GNAQ: variants seen among roughly 807,000 people sequenced by gnomAD.
GNAQ encodes guanine nucleotide-binding protein G(q) subunit alpha.
Under a neutral mutation model 43.9 loss-of-function variants are expected in GNAQ, and 8 were observed. The ratio of observed to expected loss-of-function variants is 0.18; its 90% CI spans 0.11 to 0.33. GNAQ has a LOEUF of 0.33. GNAQ is among the 10% of genes least tolerant of loss of function. The pLI is 1.00. For missense variants in GNAQ, 158 were observed against 450.8 expected, an observed-to-expected ratio of 0.35 and a Z score of 5.88; for synonymous variants, 155 against 170.7, an observed-to-expected ratio of 0.91 and a Z score of 0.71.
At chr9:78,003,645 T>G (rs1374505510) in intron 1 of GNAQ, among the ~76,000 whole-genome samples, 1 of 151,992 alleles carries the variant, frequency 6.6e-6, no homozygotes, top group Non-Finnish European at 1.5e-5. Context: ...CGAAACCCCT[T>G]GTTTACTAAA....
chr9:78,030,459 C>T, intron 1 of GNAQ: 1 of 465,764 alleles, frequency 2.1e-6, no homozygotes, highest in Non-Finnish European at 4.5e-6. Context: ...GCCCTCCCGC[C>T]TCGCCCCCAG....
chr9:77,755,167 A>G (rs1218074680), intron 5 of GNAQ, among the ~76,000 whole-genome samples: 2 of 152,250 alleles, frequency 1.3e-5, no homozygotes, highest in Non-Finnish European at 2.9e-5. Flanking sequence ...TTCATTTGTA[A>G]GAGCTAAAAA....
chr9:78,018,932 T>A (rs569900791), intron 1 of GNAQ, among the ~76,000 whole-genome samples: 11 of 152,152 alleles, frequency 7.2e-5, no homozygotes, highest in Non-Finnish European at 1.6e-4. Context: ...AATTCATAGG[T>A]AGACTCCAGG....
chr9:77,774,369 C>T (rs956428011), intron 5 of GNAQ, among the ~76,000 whole-genome samples: 5 of 152,154 alleles, frequency 3.3e-5, no homozygotes, highest in Non-Finnish European at 7.3e-5. Context: ...GACATTTGTA[C>T]TTAATTTCTC....
intron 2 of GNAQ, among the ~76,000 whole-genome samples, chr9:77,827,130 T>C (rs1446951690): frequency 2.6e-5 from 4 of 152,178 alleles, no homozygotes; most frequent in Non-Finnish European, 5.9e-5. Context: ...AAAGGTTTTT[T>C]TTTCTCTCTA....
intron 2 of GNAQ, among the ~76,000 whole-genome samples, chr9:77,878,350 T>C (rs548350557): frequency 3.0e-4 from 46 of 151,918 alleles, no homozygotes; most frequent in Admixed American, 1.4e-3. Flanking sequence ...AAAGAAAGGA[T>C]TGAATTCAAA....
chr9:77,954,784 G>A (rs1823022063), intron 1 of GNAQ, among the ~76,000 whole-genome samples: 1 of 152,130 alleles, frequency 6.6e-6, no homozygotes, highest in African/African-American at 2.4e-5. Context: ...TGGCAAAAGG[G>A]TCTCCTGAAT....
intron 2 of GNAQ, among the ~76,000 whole-genome samples, chr9:77,892,739 C>T (rs1433390650): frequency 6.6e-6 from 1 of 152,124 alleles, no homozygotes; most frequent in Non-Finnish European, 1.5e-5. Flanking sequence ...AAAAAAGCTT[C>T]ATTTATAGGG....
intron 2 of GNAQ, among the ~76,000 whole-genome samples, chr9:77,834,836 T>A (rs1448619020): frequency 6.6e-6 from 1 of 152,164 alleles, no homozygotes; most frequent in Non-Finnish European, 1.5e-5. Flanking sequence ...TTTAAAAAAA[T>A]TTATGGAAAG....
chr9:77,993,902 T>C (rs538038646), intron 1 of GNAQ, among the ~76,000 whole-genome samples: 7 of 152,178 alleles, frequency 4.6e-5, no homozygotes, highest in South Asian at 4.1e-4. Flanking sequence ...TTTTAACTAG[T>C]CAGGTATAAA....
At chr9:77,852,978 T>A (rs1309640844) in intron 2 of GNAQ, among the ~76,000 whole-genome samples, 1 of 152,172 alleles carries the variant, frequency 6.6e-6, no homozygotes, top group African/African-American at 2.4e-5. Flanking sequence ...TCTCTCAGCA[T>A]AAACCTTCAA....
At chr9:77,980,399 G>T (rs1313690766) in intron 1 of GNAQ, among the ~76,000 whole-genome samples, 1 of 152,090 alleles carries the variant, frequency 6.6e-6, no homozygotes, top group Non-Finnish European at 1.5e-5. Flanking sequence ...GGAGGAGAAT[G>T]AGTATTATTA....
intron 2 of GNAQ, among the ~76,000 whole-genome samples, chr9:77,909,777 A>G (rs1012444949): frequency 6.6e-6 from 1 of 152,200 alleles, no homozygotes; most frequent in Non-Finnish European, 1.5e-5. Context: ...TAAGAAACAT[A>G]AAATCAGGAA....
intron 5 of GNAQ, among the ~76,000 whole-genome samples, chr9:77,740,813 A>G (rs1440714667): frequency 6.6e-6 from 1 of 152,240 alleles, no homozygotes; most frequent in Admixed American, 6.5e-5. Flanking sequence ...GTACAAATAT[A>G]CACTAGACAA....
At chr9:78,021,106 G>A (rs1227469434) in intron 1 of GNAQ, among the ~76,000 whole-genome samples, 1 of 145,044 alleles carries the variant, frequency 6.9e-6, no homozygotes, top group Non-Finnish European at 1.5e-5. Flanking sequence ...CTGGAGTGCA[G>A]TGGCACGATC....
intron 2 of GNAQ, among the ~76,000 whole-genome samples, chr9:77,909,963 A>G (rs1828773074): frequency 6.6e-6 from 1 of 152,204 alleles, no homozygotes; most frequent in South Asian, 2.1e-4. Flanking sequence ...ATGTTTGGAT[A>G]TACATGCTTG....
intron 2 of GNAQ, among the ~76,000 whole-genome samples, chr9:77,903,579 C>G (rs536118997): frequency 3.3e-5 from 5 of 152,248 alleles, no homozygotes; most frequent in African/African-American, 9.6e-5. Flanking sequence ...GTGACTCCTT[C>G]CAGGCAGGCT....
At position 77,855,991 on chromosome 9, in the gene GNAQ, T is replaced by C. The variant is rs938024789; in HGVS notation, c.322-40221A>G. 3.3e-5 allele frequency among the ~76,000 whole-genome samples: 5 copies of C among 152,228 alleles called. No homozygotes were observed. In the South Asian group the frequency reaches 8.3e-4, roughly 25 times the overall value. ...AGAATAAGGAACATAACACAGACTA[T>C]AGCTAAACTGCTGACATTAGGCTCA... On this transcript the variant is annotated intron_variant, in intron 2 of 6. Transcript: ENST00000286548.
At chr9:77,806,013 C>A (rs996398026) in intron 3 of GNAQ, among the ~76,000 whole-genome samples, 1 of 152,100 alleles carries the variant, frequency 6.6e-6, no homozygotes, top group Non-Finnish European at 1.5e-5. Context: ...AGGAAAAGGG[C>A]CAGGCAACTA....
Sources: allele counts gnomAD v4.1 joint callset (sites outside exome capture counted in the v4.1 genomes callset), GRCh38; gene constraint gnomAD v4.1.1; transcripts MANE v1.5; gene names NCBI Gene and HGNC (gene_info 2026-07-23, HGNC 2026-07-21).